The following TJP1 variants were observed in gnomAD, a reference collection of about 807,000 sequenced individuals.
The protein encoded by TJP1 is tight junction protein 1.
In TJP1, 43 loss-of-function variants were observed where a neutral mutation model predicts 194.2. The ratio of observed to expected loss-of-function variants is 0.22; its 90% CI spans 0.17 to 0.29. The LOEUF is 0.29. TJP1 is among the 10% of genes least tolerant of loss of function. TJP1 has a pLI of 1.00. For missense variants in TJP1, 1,971 were observed against 2,185.7 expected, an observed-to-expected ratio of 0.90 and a Z score of 1.96; for synonymous variants, 801 against 779.0, an observed-to-expected ratio of 1.03 and a Z score of -0.47.
At chr15:29,916,240 C>CAAAA (rs199907379) in intron 2 of TJP1, among the ~76,000 whole-genome samples, 17 of 96,582 alleles carry the variant, frequency 1.8e-4, no homozygotes, top group African/African-American at 5.1e-4. Flanking sequence ...GACTCTGTCT[C>CAAAA]AAAAAAAAAA....
At chr15:29,724,957 A>G (rs1228653305) in intron 18 of TJP1, among the ~76,000 whole-genome samples, 2 of 152,192 alleles carry the variant, frequency 1.3e-5, no homozygotes, top group Admixed American at 1.3e-4. Flanking sequence ...AGATACTACA[A>G]ATGTATACTT....
chr15:29,805,918 C>T (rs1300869336), intron 1 of TJP1, among the ~76,000 whole-genome samples: 1 of 152,088 alleles, frequency 6.6e-6, no homozygotes. Flanking sequence ...TTGTGTGATG[C>T]TACACATGAC....
At chr15:29,809,865 CACTT>C (rs2049369776) in intron 1 of TJP1, among the ~76,000 whole-genome samples, 2 of 151,126 alleles carry the variant, frequency 1.3e-5, no homozygotes, top group South Asian at 4.2e-4. Context: ...AAAAACCAAA[CACTT>C]AAGTACTTGA....
At chr15:29,714,658 A>G (rs1214019364) in intron 23 of TJP1, among the ~76,000 whole-genome samples, 1 of 145,704 alleles carries the variant, frequency 6.9e-6, no homozygotes, top group Non-Finnish European at 1.5e-5. Context: ...CTCCTGCCTC[A>G]GTCTCCCGAG....
chr15:29,753,754 GA>G (rs2045454268), intron 8 of TJP1, among the ~76,000 whole-genome samples: 1 of 145,136 alleles, frequency 6.9e-6, no homozygotes, highest in African/African-American at 2.6e-5. Flanking sequence ...ATTAACCATT[GA>G]AATACTTAAT....
intron 25 of TJP1, among the ~76,000 whole-genome samples, chr15:29,706,478 A>G (rs757424934): frequency 7.2e-5 from 11 of 152,162 alleles, no homozygotes; most frequent in Non-Finnish European, 1.5e-4. Context: ...GGAAATGCTC[A>G]TTGGAGCATT....
intron 2 of TJP1, among the ~76,000 whole-genome samples, chr15:29,898,923 G>C (rs78281652): frequency 0.016 from 2,367 of 152,250 alleles, 57 homozygotes; most frequent in African/African-American, 0.055. Context: ...ATAGATAACA[G>C]AGAAACTAAA....
intron 2 of TJP1, among the ~76,000 whole-genome samples, chr15:29,930,059 A>T (rs2054657525): frequency 6.6e-6 from 1 of 152,202 alleles, no homozygotes; most frequent in African/African-American, 2.4e-5. Context: ...CAAACCTACT[A>T]AAGAAATTGA....
intron 3 of TJP1, among the ~76,000 whole-genome samples, 157 bp from the exon 4 acceptor site, chr15:29,772,323 T>G (rs1010999364): frequency 3.3e-5 from 5 of 152,244 alleles, no homozygotes; most frequent in African/African-American, 1.2e-4. Context: ...TCAACTGACT[T>G]ACTTTCAGAT....
intron 2 of TJP1, among the ~76,000 whole-genome samples, chr15:29,932,280 C>T (rs1017531676): frequency 6.6e-6 from 1 of 152,126 alleles, no homozygotes; most frequent in Non-Finnish European, 1.5e-5. Context: ...GGTTTCTACA[C>T]AGGGAGAGGT....
At chr15:29,937,718 C>G (rs2054930418) in intron 2 of TJP1, among the ~76,000 whole-genome samples, 2 of 152,174 alleles carry the variant, frequency 1.3e-5, no homozygotes, top group Admixed American at 1.3e-4. Flanking sequence ...TCAAGAAGGG[C>G]AGCAGCGCGA....
At position 29,833,458 on chromosome 15, in the gene TJP1, G is replaced by A. The variant is rs538932508; in HGVS notation, c.307-32756C>T. 7.3e-5 allele frequency among the ~76,000 whole-genome samples: 11 copies of A among 151,670 alleles called. No individual in the cohort carries two copies. In the East Asian group the frequency reaches 2.2e-3, roughly 30 times the overall value. ...ACCCAGGCTGGAGTGCAGTGGCATA[G>A]TCTCAGCTCACTGCAACCTCTGCCT... On this transcript the variant is annotated intron_variant, in intron 2 of 28. Transcript: ENST00000356107.
At chr15:29,764,763 G>A (rs1321576569) in intron 5 of TJP1, among the ~76,000 whole-genome samples, 1 of 151,906 alleles carries the variant, frequency 6.6e-6, no homozygotes, top group Non-Finnish European at 1.5e-5. Flanking sequence ...AGGGAGATGA[G>A]TTTCATTTGA....
intron 8 of TJP1, among the ~76,000 whole-genome samples, chr15:29,753,197 G>T (rs943512139): frequency 3.3e-5 from 5 of 152,076 alleles, no homozygotes; most frequent in African/African-American, 1.2e-4. Flanking sequence ...GATTGCTCAG[G>T]ATATGGCCAG....
chr15:29,716,486 T>C (rs1595595597), intron 23 of TJP1, 125 bp downstream of exon 23: 3 of 712,018 alleles, frequency 4.2e-6, no homozygotes, highest in East Asian at 2.7e-5. Context: ...GTATGTACAA[T>C]GCTGAACCAC....
intron 8 of TJP1, among the ~76,000 whole-genome samples, chr15:29,752,571 C>T (rs1160581815): frequency 2.0e-5 from 3 of 152,090 alleles, no homozygotes; most frequent in African/African-American, 7.2e-5. Flanking sequence ...TAAAATCTTC[C>T]CTCTTTTGGC....
intron 8 of TJP1, among the ~76,000 whole-genome samples, chr15:29,746,231 G>A (rs1267683970): frequency 6.6e-5 from 10 of 151,858 alleles, no homozygotes; most frequent in Non-Finnish European, 1.2e-4. Context: ...AAAAAAAATT[G>A]GCTGGGCGTG....
chr15:29,818,353 T>A (rs1044113024), intron 1 of TJP1, among the ~76,000 whole-genome samples: 10 of 152,356 alleles, frequency 6.6e-5, no homozygotes, highest in Middle Eastern at 3.4e-3. Flanking sequence ...TTCATACCAC[T>A]TTCTTACACA....
In TJP1 at chr15:29,733,186, G is replaced by A. The variant is rs763973989; in HGVS notation, c.1644C>T (p.Thr548=). 5.3e-5 allele frequency: 86 copies of A among 1,613,954 alleles called. No individual in the cohort carries two copies. The highest frequency in any genetic ancestry group is 7.0e-5 in the Non-Finnish European group (83 of 1,180,002). Residue 548 remains threonine (T), a synonymous_variant, in exon 13 of 28, where the codon ACC becomes ACT. Coordinates refer to ENST00000614355, the MANE Select transcript of TJP1 (RefSeq NM_001330239.4). ...AAGAGCCCAGTTTTCCATTGTACAAGGTATCCACAACACGGAACACCTCTC... is the reference window on the plus strand; with the variant it reads ...AAGAGCCCAGTTTTCCATTGTACAAAGTATCCACAACACGGAACACCTCTC... ...NKGEVFRVVD[T]LYNGKLGSWL...
Sources: allele counts gnomAD v4.1 joint callset (sites outside exome capture counted in the v4.1 genomes callset), GRCh38; gene constraint gnomAD v4.1.1; transcripts MANE v1.5; gene names NCBI Gene and HGNC (gene_info 2026-07-23, HGNC 2026-07-21).